Variants in PACSIN2 observed in about 807,000 individuals in gnomAD.
The protein encoded by PACSIN2 is protein kinase C and casein kinase substrate in neurons 2, also known as protein kinase C and casein kinase substrate in neurons protein 2.
Under a neutral mutation model 63.8 loss-of-function variants are expected in PACSIN2, and 25 were observed. The ratio of observed to expected loss-of-function variants is 0.39; its 90% CI spans 0.29 to 0.55. The LOEUF (loss-of-function observed/expected upper bound fraction) is 0.55. Ranked by LOEUF, PACSIN2 falls within the 20% of genes least tolerant of loss-of-function variation. PACSIN2 has a pLI of 0.62. For synonymous variants in PACSIN2, 255 were observed against 256.2 expected, an observed-to-expected ratio of 1.00 and a Z score of 0.05; for missense variants, 518 against 646.9, an observed-to-expected ratio of 0.80 and a Z score of 2.16.
intron 2 of PACSIN2, among the ~76,000 whole-genome samples, chr22:42,908,944 C>A (rs974476737): frequency 6.6e-6 from 1 of 152,172 alleles, no homozygotes; most frequent in Non-Finnish European, 1.5e-5. Context: ...TTTGTGGGAA[C>A]TGGATCCCCT....
At chr22:43,013,846 C>A (rs1601629715) in intron 1 of PACSIN2, among the ~76,000 whole-genome samples, 2 of 152,258 alleles carry the variant, frequency 1.3e-5, no homozygotes, top group East Asian at 3.9e-4. Flanking sequence ...AGCAGCCTAC[C>A]CCCTTAACCA....
intron 1 of PACSIN2, among the ~76,000 whole-genome samples, chr22:42,924,772 T>TTC (rs1932427681): frequency 6.6e-6 from 1 of 151,518 alleles, no homozygotes; most frequent in Non-Finnish European, 1.5e-5. Context: ...TTTTTTTTTT[T>TTC]TCGACACAGT....
Position 42,871,345 on chromosome 22 carries a change from G to T in PACSIN2, c.*12C>A. ...GCCGCCTCCGTCCCCCCGCTGGCCTGTCCCCGACTCATCACTGGATCGCCT... is the reference window on the plus strand; with the variant it reads ...GCCGCCTCCGTCCCCCCGCTGGCCTTTCCCCGACTCATCACTGGATCGCCT... On this transcript the variant is annotated 3_prime_UTR_variant, in exon 11 of 11. Coordinates refer to ENST00000263246, the MANE Select transcript of PACSIN2 (RefSeq NM_001184970.3). This position sits in a 1 kb window ranked among gnomAD's most constrained non-coding sequence, Gnocchi z 5.4. 1 of 1,584,652 alleles carries T rather than the reference G, an allele frequency of 6.3e-7. No individual in the cohort carries two copies. Among genetic ancestry groups the T allele is most frequent in the East Asian group, 2.2e-5 (1 of 44,722 alleles).
chr22:42,992,638 G>A (rs1923117796), intron 1 of PACSIN2, among the ~76,000 whole-genome samples: 1 of 152,154 alleles, frequency 6.6e-6, no homozygotes, highest in African/African-American at 2.4e-5. Flanking sequence ...GCACACAAAT[G>A]TTAATAGCAC....
At chr22:42,881,136 C>T (rs753188494) in intron 7 of PACSIN2, among the ~76,000 whole-genome samples, 1 of 152,146 alleles carries the variant, frequency 6.6e-6, no homozygotes, top group Non-Finnish European at 1.5e-5. Flanking sequence ...GGCAGCAGGG[C>T]CCACACTGTC....
rs745347241 is a variant in PACSIN2, at chr22:42,871,468, C to T, written c.1350G>A (p.Gly450=). The part of the protein sequence containing the change: ...QEHDELSFKA[G]DELTKMEDED... ...CGTCCTCCATCTTGGTCAGCTCATC[C>T]CCTGCAAGACAAAGAGGGAGCCGTC... Residue 450 remains glycine (G), a splice_region_variant and synonymous_variant, in exon 11 of 11, where the codon GGG becomes GGA. Transcript: ENST00000263246. The surrounding 1 kb of genome is among the most constrained non-coding windows in gnomAD (Gnocchi z 5.4). The T allele has an allele frequency of 3.1e-6, 5 of 1,610,670 alleles. No individual in the cohort carries two copies. In the East Asian group the frequency reaches 1.1e-4, roughly 36 times the overall value.
chr22:42,981,872 G>T (rs1922182384), intron 1 of PACSIN2, among the ~76,000 whole-genome samples: 1 of 109,858 alleles, frequency 9.1e-6, no homozygotes, highest in Non-Finnish European at 2.0e-5. Flanking sequence ...GGAGGGAGGT[G>T]GGGGGATCAG....
At chr22:42,909,474 C>T (rs990913272) in intron 2 of PACSIN2, 1 of 470,218 alleles carries the variant, frequency 2.1e-6, no homozygotes, top group Middle Eastern at 3.3e-4. Context: ...TCTCAGATCC[C>T]AGCAGGCCAT....
intron 1 of PACSIN2, among the ~76,000 whole-genome samples, chr22:43,001,936 G>A (rs972188135): frequency 2.0e-5 from 3 of 152,116 alleles, no homozygotes; most frequent in Admixed American, 6.6e-5. Flanking sequence ...CCTGGCAAAT[G>A]AGCCACCAGG....
At chr22:43,003,435 C>T (rs1221098612) in intron 1 of PACSIN2, among the ~76,000 whole-genome samples, 1 of 152,148 alleles carries the variant, frequency 6.6e-6, no homozygotes, top group East Asian at 1.9e-4. Context: ...AACCCCGTCT[C>T]TACTAAAAAT....
At chr22:42,905,466 G>A (rs777040070) in intron 2 of PACSIN2, among the ~76,000 whole-genome samples, 12 of 152,348 alleles carry the variant, frequency 7.9e-5, no homozygotes, top group Admixed American at 2.0e-4. Flanking sequence ...CATTGGTGCC[G>A]CTGGCCCAGT....
chr22:42,902,266 C>T (rs186096347), intron 2 of PACSIN2, among the ~76,000 whole-genome samples: 7 of 152,310 alleles, frequency 4.6e-5, no homozygotes, highest in Non-Finnish European at 1.0e-4. Context: ...GAGGCAAGGC[C>T]GCTTTCTCAC....
intron 1 of PACSIN2, among the ~76,000 whole-genome samples, chr22:42,923,588 T>C (rs1191139043): frequency 3.3e-5 from 5 of 152,110 alleles, no homozygotes; most frequent in Admixed American, 3.3e-4. Context: ...CCACCATGCC[T>C]GGCTAATTTT....
At chr22:43,006,276 C>A (rs1049955286) in intron 1 of PACSIN2, among the ~76,000 whole-genome samples, 1 of 152,186 alleles carries the variant, frequency 6.6e-6, no homozygotes, top group Admixed American at 6.5e-5. Context: ...TGTTTACAAG[C>A]CACCGCATCT....
chr22:43,014,378 C>G (rs372575755), intron 1 of PACSIN2, among the ~76,000 whole-genome samples: 90,538 of 134,918 alleles, frequency 0.67, 32,112 homozygotes, highest in East Asian at 0.85. Context: ...CCCCCCCCCC[C>G]CCGGGACACG....
At chr22:42,897,900 C>T (rs1239727910) in intron 2 of PACSIN2, among the ~76,000 whole-genome samples, 1 of 152,162 alleles carries the variant, frequency 6.6e-6, no homozygotes, top group African/African-American at 2.4e-5. Flanking sequence ...AACCCTGGGG[C>T]CCTGAGAGAA....
At chr22:42,919,378 AG>A (rs1932016400) in intron 1 of PACSIN2, among the ~76,000 whole-genome samples, 1 of 152,192 alleles carries the variant, frequency 6.6e-6, no homozygotes, top group African/African-American at 2.4e-5. Flanking sequence ...CAGACAAATG[AG>A]TCATCCCTGG....
At chr22:42,875,065 TG>T (rs998971229) in intron 10 of PACSIN2, among the ~76,000 whole-genome samples, 8 of 151,934 alleles carry the variant, frequency 5.3e-5, no homozygotes, top group African/African-American at 9.7e-5. Context: ...TTAGCCAGGA[TG>T]GTCTCAATCT....
chr22:42,987,917 G>T (rs1298305948), intron 1 of PACSIN2, among the ~76,000 whole-genome samples: 1 of 152,020 alleles, frequency 6.6e-6, no homozygotes, highest in Non-Finnish European at 1.5e-5. Context: ...GAGGCGGGCA[G>T]ATCACTTGAG....
Sources: gnomAD v4.1 joint callset for allele counts (sites outside exome capture counted in the v4.1 genomes callset) on GRCh38, gnomAD v4.1.1 for gene constraint, Gnocchi (gnomAD v3.1) non-coding constraint, MANE v1.5 for transcripts, NCBI Gene and HGNC (gene_info 2026-07-23, HGNC 2026-07-21) for gene names.